LRRC51: variants seen among roughly 807,000 people sequenced by gnomAD.
LRRC51 encodes leucine-rich repeat-containing protein 51.
In LRRC51, 8 loss-of-function variants were observed where a neutral mutation model predicts 17.8. The ratio of observed to expected loss-of-function variants is 0.45; its 90% confidence interval spans 0.26 to 0.81. The LOEUF is 0.81. LRRC51 is among the 30% of genes least tolerant of loss of function. The pLI is 0.17. For synonymous variants in LRRC51, 92 were observed against 96.0 expected, an observed-to-expected ratio of 0.96 and a Z score of 0.24; for missense variants, 233 against 239.3, an observed-to-expected ratio of 0.97 and a Z score of 0.17.
intron 1 of LRRC51, among the ~76,000 whole-genome samples, chr11:72,087,493 T>C (rs1192149922): frequency 6.6e-6 from 1 of 152,216 alleles, no homozygotes. Context: ...CAAACTAATT[T>C]ATCCTTTGAA....
chr11:72,088,222 T>C (rs1484009320), intron 1 of LRRC51, 75 bp from the exon 2 acceptor site: 11 of 589,318 alleles, frequency 1.9e-5, no homozygotes, highest in Non-Finnish European at 3.3e-5. Context: ...AGCTAACAAA[T>C]TGGAAACGAT....
Position 72,093,551 on chromosome 11 carries a change from G to A in LRRC51, c.138G>A (p.Ser46=), listed in dbSNP as rs564175678. 2.2e-5 allele frequency: 35 copies of A among 1,614,188 alleles called. No individual in the cohort carries two copies. Among genetic ancestry groups the A allele is most frequent in the East Asian group, 1.1e-4 (5 of 44,892 alleles). ...TGLRPLKRSK[S]GKSLTQSLWL... Reference sequence around the variant, plus strand: ...TACGACCACTGAAGCGTTCAAAGTCGGGGAAATCACTGACCCAGTCCCTGT... The same window carrying A: ...TACGACCACTGAAGCGTTCAAAGTCAGGGAAATCACTGACCCAGTCCCTGT... The change falls in exon 4 of 6, where the codon TCG becomes TCA. Residue 46 remains serine (S), a synonymous_variant. Transcript: ENST00000289488.
At chr11:72,088,757 C>G (rs1944684923) in intron 2 of LRRC51, 1 of 512,338 alleles carries the variant, frequency 2.0e-6, no homozygotes, top group African/African-American at 1.9e-5. Flanking sequence ...AGTCCTTTTA[C>G]CCCTTGGGTT....
chr11:72,093,654 C>A lies in LRRC51; in HGVS notation c.241C>A (p.Leu81Met). Reference sequence around the variant, plus strand: ...ACAGCTGTTGGAGCACCCAGAGAACCTGGCCTGGATCGACCTGTCCTTTAA... The same window carrying A: ...ACAGCTGTTGGAGCACCCAGAGAACATGGCCTGGATCGACCTGTCCTTTAA... ...ASQLLEHPEN[L>M]AWIDLSFNDL... is the part of the protein sequence containing the mutation. Residue 81 changes from leucine to methionine, a missense_variant, in exon 4 of 6, where the codon CTG (leucine) becomes ATG (methionine). By Grantham distance (15) the Leu-to-Met change is conservative. Transcript: ENST00000289488. 6.2e-7 allele frequency: 1 copy of A among 1,614,188 alleles called. No individual in the cohort carries two copies. The highest frequency in any genetic ancestry group is 8.5e-7 in the Non-Finnish European group (1 of 1,179,982).
intron 1 of LRRC51, among the ~76,000 whole-genome samples, 198 bp downstream of exon 1, chr11:72,081,083 G>C (rs1944148892): frequency 6.6e-6 from 1 of 152,176 alleles, no homozygotes; most frequent in African/African-American, 2.4e-5. Context: ...CAGAGGGAGG[G>C]ATAGGCGTTG....
intron 3 of LRRC51, chr11:72,089,623 G>A: frequency 8.5e-7 from 1 of 1,177,124 alleles, no homozygotes. Context: ...TCCTCTGTCT[G>A]CAGACACAAG....
intron 1 of LRRC51, among the ~76,000 whole-genome samples, chr11:72,087,812 G>A (rs765096173): frequency 6.6e-6 from 1 of 152,108 alleles, no homozygotes; most frequent in Non-Finnish European, 1.5e-5. Context: ...GTAAAATTAA[G>A]TTATTAAAAT....
chr11:72,090,562 C>T (rs767297837), intron 3 of LRRC51, among the ~76,000 whole-genome samples: 6 of 152,016 alleles, frequency 3.9e-5, no homozygotes, highest in Non-Finnish European at 8.8e-5. Context: ...CATCAAAGGC[C>T]CAAAAGGTCA....
chr11:72,083,506 T>C (rs1944360339), intron 1 of LRRC51, among the ~76,000 whole-genome samples: 2 of 152,178 alleles, frequency 1.3e-5, no homozygotes, highest in South Asian at 2.1e-4. Flanking sequence ...TAGTATTATT[T>C]AGTTGCAATT....
At position 72,096,892 on chromosome 11, in the gene LRRC51, A is replaced by G. The variant is rs539966959; in HGVS notation, c.*1372A>G. The stretch of plus-strand genomic sequence containing the variant: ...TTTGATAAAAAGAATCTTCTGCTTA[A>G]AAACATTTGCTTGCTGACTCCATAT... On this transcript the variant is annotated 3_prime_UTR_variant, in exon 6 of 6. Transcript: ENST00000289488. 2 of 1,266,952 alleles carry G rather than the reference A, an allele frequency of 1.6e-6. No homozygotes were observed. Among genetic ancestry groups the G allele is most frequent in the Non-Finnish European group, 2.0e-6 (2 of 1,001,628 alleles). The allele number at this position is 1,266,952 out of a possible 1,614,324, so 78.5% of individuals were successfully genotyped here.
At chr11:72,085,235 T>A (rs1804262177) in intron 1 of LRRC51, among the ~76,000 whole-genome samples, 1 of 152,018 alleles carries the variant, frequency 6.6e-6, no homozygotes, top group Admixed American at 6.6e-5. Flanking sequence ...GCCACAGGAG[T>A]AAGCATGGCA....
At chr11:72,084,214 T>C (rs1330986404) in intron 1 of LRRC51, among the ~76,000 whole-genome samples, 1 of 152,118 alleles carries the variant, frequency 6.6e-6, no homozygotes, top group Non-Finnish European at 1.5e-5. Context: ...CCACCATCAG[T>C]CCATCATCAG....
chr11:72,086,086 T>A, intron 1 of LRRC51: 1 of 243,862 alleles, frequency 4.1e-6, no homozygotes, highest in Non-Finnish European at 7.9e-6. Context: ...CAAAAAGAGA[T>A]GGATACAGGG....
rs753913701 is a variant in LRRC51, at chr11:72,094,961, T to A, written c.302T>A (p.Phe101Tyr). The change falls in exon 5 of 6, where the codon TTC becomes TAC. Residue 101 changes from phenylalanine to tyrosine, a missense_variant. Transcript: ENST00000289488. ...CCTCCCCAACAGGTCCTAACAACTTTCTTCAACCTGAGTGTCCTCTATCTT... is the reference window on the plus strand; with the variant it reads ...CCTCCCCAACAGGTCCTAACAACTTACTTCAACCTGAGTGTCCTCTATCTT... ...LTSIDPVLTT[F>Y]FNLSVLYLHG... The A allele has an allele frequency of 4.0e-5, 65 of 1,613,916 alleles. No individual in the cohort carries two copies. Among genetic ancestry groups the A allele is most frequent in the Non-Finnish European group, 5.1e-5 (60 of 1,180,022 alleles).
Position 72,096,620 on chromosome 11 carries a change from A to C in LRRC51, c.*1100A>C. 4.7e-6 allele frequency: 7 copies of C among 1,504,796 alleles called. No homozygotes were observed. Among genetic ancestry groups the C allele is most frequent in the African/African-American group, 1.4e-5 (1 of 71,280 alleles). The allele number at this position is 1,504,796 out of a possible 1,614,324, so 93.2% of individuals were successfully genotyped here. A position where few individuals can be genotyped will look rare whatever the true frequency, so the allele number is the denominator to read the frequency against. ...GGGACACTGGAGACGTGGGTTTACCACACAGCCTTGGGAAATTTATCTAAC... is the reference window on the plus strand; with the variant it reads ...GGGACACTGGAGACGTGGGTTTACCCCACAGCCTTGGGAAATTTATCTAAC... On this transcript the variant is annotated 3_prime_UTR_variant, in exon 6 of 6. Transcript: ENST00000289488.
intron 1 of LRRC51, among the ~76,000 whole-genome samples, chr11:72,087,557 G>A (rs1275687006): frequency 6.6e-6 from 1 of 152,158 alleles, no homozygotes; most frequent in Non-Finnish European, 1.5e-5. Context: ...TGGCTGCCAG[G>A]AATTTCAGAG....
Position 72,095,593 on chromosome 11 carries a change from G to C in LRRC51, c.*73G>C. ...GGTTTGACAATAAATAATTTGAGCT[G>C]TTGAGCAGATGAGAAGTCACTTACA... is the stretch of plus-strand genomic sequence containing the variant. On this transcript the variant is annotated 3_prime_UTR_variant, in exon 6 of 6. Transcript: ENST00000289488. 2 of 1,569,862 alleles carry C rather than the reference G, an allele frequency of 1.3e-6. No homozygotes were observed. The highest frequency in any genetic ancestry group is 1.7e-6 in the Non-Finnish European group (2 of 1,156,738).
At chr11:72,093,443 C>T in intron 3 of LRRC51, 53 bp from the exon 4 acceptor site, 2 of 1,528,010 alleles carry the variant, frequency 1.3e-6, no homozygotes, top group Non-Finnish European at 1.8e-6. Context: ...CCTTCCCACC[C>T]CCTAAAGCCA....
intron 2 of LRRC51, chr11:72,088,752 T>C: frequency 2.0e-6 from 1 of 508,856 alleles, no homozygotes; most frequent in East Asian, 3.7e-5. Flanking sequence ...GGGCAAGTCC[T>C]TTTACCCCTT....
Sources: allele counts gnomAD v4.1 joint callset (sites outside exome capture counted in the v4.1 genomes callset), GRCh38; gene constraint gnomAD v4.1.1; transcripts MANE v1.5; gene names NCBI Gene and HGNC (gene_info 2026-07-23, HGNC 2026-07-21).